GABRB2: variants seen among roughly 807,000 people sequenced by gnomAD.
The protein encoded by GABRB2 is gamma-aminobutyric acid type A receptor subunit beta2, also known as gamma-aminobutyric acid receptor subunit beta-2.
GABRB2 carries 16 observed loss-of-function variants against 54.7 expected under a neutral mutation model. The ratio of observed to expected loss-of-function variants is 0.29; its 90% confidence interval spans 0.20 to 0.44. GABRB2 has a LOEUF of 0.44. GABRB2 is among the 20% of genes least tolerant of loss of function. The probability of loss-of-function intolerance (pLI) is 1.00; values close to 1 mark genes in which losing one functional copy is unlikely to be tolerated. For missense variants in GABRB2, 355 were observed against 644.0 expected, an observed-to-expected ratio of 0.55 and a Z score of 4.86; for synonymous variants, 244 against 233.8, an observed-to-expected ratio of 1.04 and a Z score of -0.40.
At chr5:161,414,609 A>G (rs1482710164) in intron 4 of GABRB2, among the ~76,000 whole-genome samples, 1 of 152,180 alleles carries the variant, frequency 6.6e-6, no homozygotes, top group Non-Finnish European at 1.5e-5. Flanking sequence ...ATATAGATAT[A>G]CAACAAACTT....
intron 3 of GABRB2, among the ~76,000 whole-genome samples, chr5:161,502,549 A>G (rs189060277): frequency 1.3e-5 from 2 of 152,284 alleles, no homozygotes; most frequent in East Asian, 3.9e-4. Flanking sequence ...TAAACAGTCA[A>G]TCAAACTGTA....
chr5:161,342,183 G>C (rs1197196029), intron 5 of GABRB2, among the ~76,000 whole-genome samples: 2 of 151,504 alleles, frequency 1.3e-5, no homozygotes, highest in African/African-American at 4.8e-5. Context: ...TATTGCGATA[G>C]TTCACACTAG....
chr5:161,362,845 C>T (rs1300661430), intron 5 of GABRB2, among the ~76,000 whole-genome samples: 2 of 152,024 alleles, frequency 1.3e-5, no homozygotes, highest in Non-Finnish European at 2.9e-5. Flanking sequence ...CTCACGCCAA[C>T]CAGAATGGCC....
intron 5 of GABRB2, among the ~76,000 whole-genome samples, 200 bp downstream of exon 5, chr5:161,410,774 GA>G (rs762931776): frequency 6.6e-6 from 1 of 152,144 alleles, no homozygotes; most frequent in Non-Finnish European, 1.5e-5. Flanking sequence ...CTCTCGCGAA[GA>G]GTTAGAGAGT....
intron 5 of GABRB2, among the ~76,000 whole-genome samples, chr5:161,345,111 G>T (rs1019568632): frequency 1.3e-5 from 2 of 152,052 alleles, no homozygotes; most frequent in African/African-American, 4.8e-5. Context: ...GTTGATGGGT[G>T]CAGCAAACCA....
chr5:161,452,007 T>A (rs1237530792), intron 4 of GABRB2, among the ~76,000 whole-genome samples: 3 of 152,136 alleles, frequency 2.0e-5, no homozygotes, highest in Non-Finnish European at 4.4e-5. Context: ...TTCAATGTGA[T>A]TAAGTATGAT....
At chr5:161,455,891 T>G (rs1757940754) in intron 4 of GABRB2, among the ~76,000 whole-genome samples, 1 of 152,160 alleles carries the variant, frequency 6.6e-6, no homozygotes, top group Non-Finnish European at 1.5e-5. Context: ...CTTACATACC[T>G]ACCGTTAAAT....
chr5:161,497,701 A>C (rs1170361350), intron 3 of GABRB2, among the ~76,000 whole-genome samples: 4 of 152,140 alleles, frequency 2.6e-5, no homozygotes, highest in Non-Finnish European at 5.9e-5. Flanking sequence ...AAGATCCCTT[A>C]GCTACTTGTC....
intron 3 of GABRB2, among the ~76,000 whole-genome samples, chr5:161,514,200 T>C (rs112132498): frequency 2.6e-5 from 4 of 152,132 alleles, no homozygotes; most frequent in African/African-American, 9.6e-5. Flanking sequence ...ATGACCAGAG[T>C]GCAGACACTC....
chr5:161,469,880 T>C (rs1267038262), intron 3 of GABRB2, among the ~76,000 whole-genome samples: 2 of 151,874 alleles, frequency 1.3e-5, no homozygotes, highest in African/African-American at 4.8e-5. Flanking sequence ...TCTACTCACT[T>C]CACCTTTCTT....
chr5:161,358,649 G>T (rs1165633983), intron 5 of GABRB2, among the ~76,000 whole-genome samples: 4 of 152,196 alleles, frequency 2.6e-5, no homozygotes, highest in African/African-American at 9.6e-5. Flanking sequence ...ACAAGGCAGA[G>T]CATGTGGGTG....
intron 5 of GABRB2, among the ~76,000 whole-genome samples, chr5:161,403,150 G>A (rs1342257995): frequency 1.3e-5 from 2 of 152,092 alleles, no homozygotes; most frequent in African/African-American, 4.8e-5. Context: ...TTAACAAAGT[G>A]GGGGCTGCGT....
intron 4 of GABRB2, among the ~76,000 whole-genome samples, chr5:161,429,687 A>T (rs1189685543): frequency 6.6e-6 from 1 of 152,168 alleles, no homozygotes; most frequent in Non-Finnish European, 1.5e-5. Context: ...ATCCATTGAA[A>T]ACTTCAGAGC....
At chr5:161,534,545 A>G (rs1043353693) in intron 3 of GABRB2, among the ~76,000 whole-genome samples, 10 of 152,162 alleles carry the variant, frequency 6.6e-5, no homozygotes, top group Non-Finnish European at 1.5e-4. Flanking sequence ...TCCCTTGTCT[A>G]TTTTCACTTG....
chr5:161,450,834 G>C (rs2113235989), intron 4 of GABRB2, among the ~76,000 whole-genome samples: 1 of 152,230 alleles, frequency 6.6e-6, no homozygotes, highest in Middle Eastern at 3.4e-3. Context: ...TAAAGAGGTT[G>C]CATTCTATAA....
At chr5:161,382,964 G>A (rs1561630520) in intron 5 of GABRB2, among the ~76,000 whole-genome samples, 1 of 152,140 alleles carries the variant, frequency 6.6e-6, no homozygotes, top group African/African-American at 2.4e-5. Flanking sequence ...CCTGCAAAGC[G>A]AGACTTGGAT....
intron 3 of GABRB2, among the ~76,000 whole-genome samples, chr5:161,470,608 A>G (rs1413822227): frequency 6.6e-6 from 1 of 151,968 alleles, no homozygotes; most frequent in Non-Finnish European, 1.5e-5. Context: ...CAGGCAGATA[A>G]CACAGACAGC....
chr5:161,417,353 A>C (rs1316262512), intron 4 of GABRB2, among the ~76,000 whole-genome samples: 1 of 152,202 alleles, frequency 6.6e-6, no homozygotes, highest in Non-Finnish European at 1.5e-5. Flanking sequence ...GTTAAGTCAT[A>C]TTGTTATTCC....
chr5:161,302,508 A>G (rs1757567750), intron 9 of GABRB2, among the ~76,000 whole-genome samples: 1 of 152,172 alleles, frequency 6.6e-6, no homozygotes. Flanking sequence ...ACCTAACAAC[A>G]TCACAGGCTT....
Sources: gnomAD v4.1 joint callset for allele counts (sites outside exome capture counted in the v4.1 genomes callset) on GRCh38, gnomAD v4.1.1 for gene constraint, MANE v1.5 for transcripts, NCBI Gene and HGNC (gene_info 2026-07-23, HGNC 2026-07-21) for gene names.